DRD3: variants seen among roughly 807,000 people sequenced by gnomAD.
DRD3 encodes the protein dopamine receptor D3.
DRD3 carries 19 observed loss-of-function variants against 36.3 expected under a neutral mutation model. The observed-to-expected ratio is 0.52, with a 90% CI of 0.36 to 0.77. The LOEUF is 0.77. Among genes scored for constraint, DRD3 ranks in the 30% least tolerant of loss-of-function variants. The probability of loss-of-function intolerance (pLI) is 0.00; values close to 1 mark genes in which losing one functional copy is unlikely to be tolerated. For synonymous variants in DRD3, 195 were observed against 203.7 expected, an observed-to-expected ratio of 0.96 and a Z score of 0.36; for missense variants, 465 against 505.3, an observed-to-expected ratio of 0.92 and a Z score of 0.77.
intron 3 of DRD3, among the ~76,000 whole-genome samples, chr3:114,152,907 C>T (rs898806940): frequency 1.3e-5 from 2 of 152,238 alleles, no homozygotes; most frequent in Non-Finnish European, 2.9e-5. Flanking sequence ...AACATCTGGC[C>T]GCTGCGCTCG....
intron 1 of DRD3, among the ~76,000 whole-genome samples, chr3:114,186,951 G>A (rs1212587128): frequency 6.6e-6 from 1 of 152,158 alleles, no homozygotes; most frequent in Non-Finnish European, 1.5e-5. Context: ...AGAGAGATAT[G>A]GAAGTGTTAT....
At chr3:114,139,008 C>A (rs540344491) in intron 5 of DRD3, among the ~76,000 whole-genome samples, 2 of 152,250 alleles carry the variant, frequency 1.3e-5, no homozygotes, top group South Asian at 2.1e-4. Flanking sequence ...CTAGAAAGAT[C>A]CAATAAAATG....
At chr3:114,183,586 T>A (rs1202039312), upstream of DRD3, among the ~76,000 whole-genome samples, 1 of 152,186 alleles carries the variant, frequency 6.6e-6, no homozygotes, top group Non-Finnish European at 1.5e-5. Context: ...CAGTTTTTGC[T>A]TCATGTATTT....
chr3:114,179,818 C>T (rs1242804578), upstream of DRD3, among the ~76,000 whole-genome samples: 1 of 152,164 alleles, frequency 6.6e-6, no homozygotes, highest in Admixed American at 6.5e-5. Flanking sequence ...CCTCTGCTGG[C>T]TGAGAAAGAA....
At chr3:114,185,626 T>TAA (rs57767912) in intron 1 of DRD3, among the ~76,000 whole-genome samples, 3 of 150,384 alleles carry the variant, frequency 2.0e-5, no homozygotes, top group African/African-American at 7.3e-5. Context: ...GTTGATTAAT[T>TAA]AAAAAAAAAA....
chr3:114,185,152 A>G (rs191621707), intron 1 of DRD3, among the ~76,000 whole-genome samples: 90 of 152,212 alleles, frequency 5.9e-4, no homozygotes, highest in African/African-American at 2.1e-3. Context: ...CTTTCATCAG[A>G]TTTAGAAACT....
chr3:114,147,672 A>G, intron 3 of DRD3, 115 bp from the exon 4 acceptor site: 1 of 1,269,404 alleles, frequency 7.9e-7, no homozygotes, highest in Non-Finnish European at 1.1e-6. Flanking sequence ...TCACCCAGGC[A>G]GAAGTGCAGT....
At chr3:114,155,687 C>T (rs932703059) in intron 3 of DRD3, among the ~76,000 whole-genome samples, 6 of 151,894 alleles carry the variant, frequency 4.0e-5, no homozygotes, top group African/African-American at 1.4e-4. Flanking sequence ...AGGGAACAAC[C>T]TGCACAACCT....
intron 3 of DRD3, among the ~76,000 whole-genome samples, chr3:114,151,110 A>G (rs1276383427): frequency 1.3e-5 from 2 of 152,168 alleles, no homozygotes; most frequent in African/African-American, 4.8e-5. Context: ...TCCTTGGTTT[A>G]TACAAGAGCA....
chr3:114,162,529 T>G (rs2077743631), intron 2 of DRD3, among the ~76,000 whole-genome samples: 1 of 152,232 alleles, frequency 6.6e-6, no homozygotes, highest in Non-Finnish European at 1.5e-5. Flanking sequence ...TCTGTCATAA[T>G]AATAGCTAAC....
At chr3:114,183,521 T>C (rs1434895664), upstream of DRD3, among the ~76,000 whole-genome samples, 1 of 152,196 alleles carries the variant, frequency 6.6e-6, no homozygotes, top group Non-Finnish European at 1.5e-5. Context: ...GAAGGTGGAA[T>C]GTTAAAGTTT....
intron 4 of DRD3, 40 bp downstream of exon 4, chr3:114,147,375 T>C (rs1274761320): frequency 2.5e-6 from 4 of 1,598,872 alleles, no homozygotes; most frequent in African/African-American, 1.3e-5. Context: ...AGCTGTGCTG[T>C]GAATCACATG....
At chr3:114,196,683 T>C (rs1333141724) in intron 1 of DRD3, among the ~76,000 whole-genome samples, 1 of 152,246 alleles carries the variant, frequency 6.6e-6, no homozygotes, top group Non-Finnish European at 1.5e-5. Flanking sequence ...CTAATAGATA[T>C]GACCTGAGGT....
At chr3:114,139,762 C>T (rs903144524) in intron 4 of DRD3, 66 bp from the exon 5 acceptor site, 19 of 1,500,818 alleles carry the variant, frequency 1.3e-5, no homozygotes, top group Middle Eastern at 1.8e-4. Context: ...GAGCATAAAA[C>T]ACGGCTCCAT....
chr3:114,154,960 C>T (rs117416463), intron 3 of DRD3, among the ~76,000 whole-genome samples: 3 of 152,284 alleles, frequency 2.0e-5, no homozygotes, highest in East Asian at 1.9e-4. Context: ...TTTTTAAAAA[C>T]GAAATGGCAG....
upstream of DRD3, among the ~76,000 whole-genome samples, chr3:114,183,299 C>T (rs148960849): frequency 1.6e-3 from 238 of 152,272 alleles, 5 homozygotes; most frequent in South Asian, 0.022. Flanking sequence ...CTTTGTATGA[C>T]ATTTGTCTTT....
At chr3:114,192,431 G>A (rs772948393) in intron 1 of DRD3, among the ~76,000 whole-genome samples, 73 of 152,076 alleles carry the variant, frequency 4.8e-4, no homozygotes, top group Non-Finnish European at 1.8e-4. Flanking sequence ...TCTGGCTAGG[G>A]TCTGTATAGT....
rs757970283 is a variant in DRD3, at chr3:114,128,742, CTT to C, written c.1175_1176del (p.Lys392SerfsTer71). 6.2e-7 allele frequency: 1 copy of C among 1,607,100 alleles called. No individual in the cohort carries two copies. Among genetic ancestry groups the C allele is most frequent in the Non-Finnish European group, 8.5e-7 (1 of 1,176,482 alleles). On this transcript the variant is annotated frameshift_variant, in exon 7 of 7. Transcript: ENST00000383673. LOFTEE classifies it high-confidence loss of function. ...IYTTFNIEFR[K>X]AFLKILSC ...CAGCAAGACAGGATCTTGAGGAAGG[CTT>C]TCCGGAACTCGATATTGAAGGTGGT...
In DRD3 at chr3:114,147,422, A is replaced by G; in HGVS notation, c.519T>C (p.Asn173=). 1 of 1,613,374 alleles carries G rather than the reference A, an allele frequency of 6.2e-7. No individual in the cohort carries two copies. The highest frequency in any genetic ancestry group is 8.5e-7 in the Non-Finnish European group (1 of 1,179,606). Reference sequence around the variant, plus strand: ...TGAAGCCATCACTGTTACCTGTGGTATTAAAGCCAAACAGAAGAGGGCAGG... The same window carrying G: ...TGAAGCCATCACTGTTACCTGTGGTGTTAAAGCCAAACAGAAGAGGGCAGG... ...AVSCPLLFGF[N]TTGDPTVCSI... The change falls in exon 4 of 7, where the codon AAT becomes AAC. Residue 173 remains asparagine (N), a synonymous_variant. Transcript: ENST00000383673.
Sources: gnomAD v4.1 joint callset for allele counts (sites outside exome capture counted in the v4.1 genomes callset) on GRCh38, gnomAD v4.1.1 for gene constraint, MANE v1.5 for transcripts, NCBI Gene and HGNC (gene_info 2026-07-23, HGNC 2026-07-21) for gene names.